Variants in TRIM33 observed in about 807,000 individuals in gnomAD.
TRIM33 encodes tripartite motif containing 33, also known as E3 ubiquitin-protein ligase TRIM33.
Under a neutral mutation model 125.4 loss-of-function variants are expected in TRIM33, and 20 were observed. The ratio of observed to expected loss-of-function variants is 0.16; its 90% CI spans 0.11 to 0.23. TRIM33 has a LOEUF of 0.23. Among genes scored for constraint, TRIM33 ranks in the 10% least tolerant of loss-of-function variants. TRIM33 has a pLI of 1.00. For synonymous variants in TRIM33, 564 were observed against 513.9 expected (o/e 1.10, Z -1.32); for missense variants, 920 against 1,411.4 (o/e 0.65, Z 5.58).
chr1:114,437,535 C>T (rs1648383668), intron 4 of TRIM33, among the ~76,000 whole-genome samples: 1 of 152,086 alleles, frequency 6.6e-6, no homozygotes, highest in South Asian at 2.1e-4. Flanking sequence ...GATGGGGCGT[C>T]ACCATGTTGG....
intron 1 of TRIM33, among the ~76,000 whole-genome samples, chr1:114,480,872 G>A (rs553042814): frequency 6.6e-6 from 1 of 152,250 alleles, no homozygotes; most frequent in South Asian, 2.1e-4. Context: ...TAAAGTAAAA[G>A]GAGAGGAGAA....
chr1:114,421,362 AACT>A, intron 11 of TRIM33, 71 bp downstream of exon 11: 1 of 1,392,728 alleles, frequency 7.2e-7, no homozygotes, highest in Non-Finnish European at 9.9e-7. Context: ...AAAAAAAAAA[AACT>A]CTGAAATAAA....
intron 4 of TRIM33, among the ~76,000 whole-genome samples, chr1:114,435,237 C>G (rs35179735): frequency 0.35 from 53,624 of 151,998 alleles, 10,138 homozygotes; most frequent in African/African-American, 0.46. Context: ...TAACTCATAT[C>G]AGAGATCAGG....
intron 4 of TRIM33, among the ~76,000 whole-genome samples, chr1:114,439,007 G>A (rs971274468): frequency 6.6e-6 from 1 of 152,094 alleles, no homozygotes; most frequent in Non-Finnish European, 1.5e-5. Flanking sequence ...TATAAAGTAT[G>A]AGAAAGACAT....
chr1:114,435,753 G>T (rs1007727073), intron 4 of TRIM33, among the ~76,000 whole-genome samples: 1 of 151,766 alleles, frequency 6.6e-6, no homozygotes, highest in Admixed American at 6.6e-5. Flanking sequence ...TTGAGTCAGG[G>T]TCTCACTCTA....
At chr1:114,449,890 T>C (rs1649210430) in intron 4 of TRIM33, among the ~76,000 whole-genome samples, 3 of 152,170 alleles carry the variant, frequency 2.0e-5, no homozygotes, top group Non-Finnish European at 4.4e-5. Flanking sequence ...TCAGTTTTCA[T>C]TCCTCATTCT....
At chr1:114,402,947 T>G in intron 15 of TRIM33, 64 bp from the exon 16 acceptor site, 1 of 1,442,782 alleles carries the variant, frequency 6.9e-7, no homozygotes, top group Non-Finnish European at 9.3e-7. Context: ...GAGAAGCTAC[T>G]TCCCTGGACT....
intron 15 of TRIM33, among the ~76,000 whole-genome samples, chr1:114,403,381 CTT>C (rs1025706624): frequency 1.3e-5 from 2 of 151,844 alleles, no homozygotes; most frequent in African/African-American, 2.4e-5. Context: ...TATATACCTC[CTT>C]TTTTTTGGAG....
intron 5 of TRIM33, among the ~76,000 whole-genome samples, chr1:114,433,157 A>G (rs1044925473): frequency 3.3e-5 from 5 of 152,252 alleles, no homozygotes; most frequent in Admixed American, 2.6e-4. Context: ...AGCAACAGCT[A>G]AAATCTAACT....
rs1648041630 is a variant in TRIM33 at position 114,432,727 on chromosome 1, A to T, written c.1040+890T>A. Among the ~76,000 whole-genome samples, 3 of 152,304 alleles carry T rather than the reference A, an allele frequency of 2.0e-5. 1 individual carries two copies. The South Asian group carries it at 6.2e-4, about 32-fold the overall frequency. ...CGTGAACCCAGAAGGTGGAGCTTGC[A>T]GTGAGCAGAGATTGTGCCACTGCAC... is the stretch of plus-strand genomic sequence containing the variant. On this transcript the variant is annotated intron_variant, in intron 5 of 19. Transcript: ENST00000358465.
In TRIM33 at chr1:114,469,111, A is replaced by C. The variant is rs377082862; in HGVS notation, c.527-4723T>G. 37 of 233,068 alleles carry C rather than the reference A, an allele frequency of 1.6e-4. 5 individuals carry two copies. The Admixed American group carries it at 1.8e-3, about 11-fold the overall frequency. 14.4% of individuals were successfully genotyped at this position (233,068 alleles called of 1,614,324 possible). Reference sequence around the variant, plus strand: ...CAGAAACAGAAAAAGTCTTCAGAAGATATATTAAGGAATACTTTTCACACA... The same window carrying C: ...CAGAAACAGAAAAAGTCTTCAGAAGCTATATTAAGGAATACTTTTCACACA... On this transcript the variant is annotated intron_variant, in intron 1 of 19. Transcript: ENST00000358465.
chr1:114,424,677 G>A lies in TRIM33; in HGVS notation c.1774C>T (p.Leu592=), dbSNP rs1173259751. The A allele has an allele frequency of 6.2e-7, 1 of 1,612,034 alleles. No homozygotes were observed. Among genetic ancestry groups the A allele is most frequent in the Admixed American group, 1.7e-5 (1 of 59,798 alleles). Residue 592 remains leucine, a synonymous_variant, in exon 10 of 20, where the codon CTG becomes TTG. Transcript: ENST00000358465. ...CGAFQAHQMR[L]AQNAARIPGI... ...GGTATTCTGGCAGCATTCTGAGCCA[G>A]TCTCATCTGATGGGCTTGAAAAGCT...
Position 114,468,486 on chromosome 1 carries a change from G to A in TRIM33, c.527-4098C>T, listed in dbSNP as rs193009134. ...TGGGGACAAAGAATTGGAAGCTGAT[G>A]AAGAGAACAGTAGGGAAAAAGGTGC... On this transcript the variant is annotated intron_variant, in intron 1 of 19. Coordinates refer to ENST00000358465, the MANE Select transcript of TRIM33 (RefSeq NM_015906.4). The A allele has an allele frequency of 2.7e-3, 997 of 374,608 alleles. 7 individuals carry two copies. The highest frequency in any genetic ancestry group is 8.2e-3 in the South Asian group (364 of 44,188). The allele number at this position is 374,608 out of a possible 1,614,324, so 23.2% of individuals were successfully genotyped here.
At chr1:114,506,230 A>C (rs1224881743) in intron 1 of TRIM33, among the ~76,000 whole-genome samples, 1 of 151,938 alleles carries the variant, frequency 6.6e-6, no homozygotes, top group Non-Finnish European at 1.5e-5. Flanking sequence ...AAAAATACAA[A>C]AAATTAGGTG....
intron 1 of TRIM33, among the ~76,000 whole-genome samples, chr1:114,472,728 A>G (rs1650727399): frequency 6.7e-6 from 1 of 149,094 alleles, no homozygotes; most frequent in Non-Finnish European, 1.5e-5. Context: ...AATGAAAACA[A>G]AAACAAAAAC....
intron 1 of TRIM33, among the ~76,000 whole-genome samples, chr1:114,495,368 C>T (rs185455677): frequency 1.1e-4 from 16 of 152,200 alleles, no homozygotes; most frequent in Non-Finnish European, 1.0e-4. Context: ...TACCACATTA[C>T]CTCGGTGGCC....
At position 114,504,709 on chromosome 1, in the gene TRIM33, T is replaced by C. The variant is rs149121960; in HGVS notation, c.526+5842A>G. Among the ~76,000 whole-genome samples the C allele has an allele frequency of 6.8e-3, 1,037 of 152,206 alleles. 15 individuals carry two copies. The highest frequency in any genetic ancestry group is 0.049 in the South Asian group (238 of 4,822). On this transcript the variant is annotated intron_variant, in intron 1 of 19. Transcript: ENST00000358465. ...CTGACAGCAGAATCCATGAGAAAAG[T>C]AAAAGTAATTAAAGTCCCCTAACTA...
chr1:114,465,130 G>GA (rs1650212896), intron 1 of TRIM33, among the ~76,000 whole-genome samples: 1 of 152,216 alleles, frequency 6.6e-6, no homozygotes, highest in Non-Finnish European at 1.5e-5. Flanking sequence ...TATAAATTCT[G>GA]ACTTGGTTAG....
At chr1:114,494,641 C>CA (rs770992799) in intron 1 of TRIM33, among the ~76,000 whole-genome samples, 6 of 152,140 alleles carry the variant, frequency 3.9e-5, no homozygotes, top group Non-Finnish European at 8.8e-5. Context: ...AAAAGGTAAG[C>CA]ACAACCCGAA....
Sources: gnomAD v4.1 joint callset for allele counts (sites outside exome capture counted in the v4.1 genomes callset) on GRCh38, gnomAD v4.1.1 for gene constraint, MANE v1.5 for transcripts, NCBI Gene and HGNC (gene_info 2026-07-23, HGNC 2026-07-21) for gene names.